TSPAN18: variants seen among roughly 807,000 people sequenced by gnomAD.
TSPAN18 encodes the protein tetraspanin-18.
In TSPAN18, 14 loss-of-function variants were observed where a neutral mutation model predicts 27.3. That is an observed-to-expected ratio of 0.51 (90% CI 0.34 to 0.80). The LOEUF (loss-of-function observed/expected upper bound fraction) is 0.80, where lower values mean the gene tolerates loss of function less well. Among genes scored for constraint, TSPAN18 ranks in the 30% least tolerant of loss-of-function variants. The probability of loss-of-function intolerance (pLI) is 0.01; values close to 1 mark genes in which losing one functional copy is unlikely to be tolerated. For missense variants in TSPAN18, 268 were observed against 323.9 expected, an observed-to-expected ratio of 0.83 and a Z score of 1.32; for synonymous variants, 143 against 136.5, an observed-to-expected ratio of 1.05 and a Z score of -0.33.
intron 2 of TSPAN18, among the ~76,000 whole-genome samples, chr11:44,805,293 G>A (rs927423087): frequency 6.6e-6 from 1 of 152,254 alleles, no homozygotes; most frequent in African/African-American, 2.4e-5. Flanking sequence ...CAGGGAGAAC[G>A]TACAGAGGGA....
At chr11:44,828,285 C>T (rs1857085482) in intron 2 of TSPAN18, among the ~76,000 whole-genome samples, 1 of 152,098 alleles carries the variant, frequency 6.6e-6, no homozygotes, top group South Asian at 2.1e-4. Context: ...CGGTTCAGTT[C>T]TCTTATTGAC....
At position 44,876,909 on chromosome 11, in the gene TSPAN18, CCAGA is replaced by C. The variant is rs1858349320; in HGVS notation, c.-11+16452_-11+16455del. 5.3e-5 allele frequency among the ~76,000 whole-genome samples: 8 copies of C among 152,254 alleles called. 1 individual carries two copies. In the South Asian group the frequency reaches 1.4e-3, roughly 28 times the overall value. ...TGGAAGCAGAGCCAGGCCACAAGTC[CCAGA>C]CAGACAGACAGGGTTTCACGGAGCT... is the stretch of plus-strand genomic sequence containing the variant. On this transcript the variant is annotated intron_variant, in intron 3 of 9. Coordinates refer to ENST00000520358, the MANE Select transcript of TSPAN18 (RefSeq NM_130783.5).
chr11:44,747,833 T>G (rs973668319), intron 1 of TSPAN18, among the ~76,000 whole-genome samples: 2 of 152,132 alleles, frequency 1.3e-5, no homozygotes. Context: ...GCCCAAATAC[T>G]TTTCCTTCTA....
Position 44,831,338 on chromosome 11 carries a change from G to A in TSPAN18, c.-152-28990G>A, listed in dbSNP as rs1410551280. 4.6e-5 allele frequency among the ~76,000 whole-genome samples: 7 copies of A among 152,224 alleles called. No homozygotes were observed. In the South Asian group the frequency reaches 1.0e-3, roughly 23 times the overall value. ...ACCGATGAAGAGGTTATGTATGCTCGGAGCTACAGAGTCAGACAAAAGATG... is the reference window on the plus strand; with the variant it reads ...ACCGATGAAGAGGTTATGTATGCTCAGAGCTACAGAGTCAGACAAAAGATG... On this transcript the variant is annotated intron_variant, in intron 2 of 9. Coordinates refer to ENST00000520358, the MANE Select transcript of TSPAN18 (RefSeq NM_130783.5).
intron 2 of TSPAN18, among the ~76,000 whole-genome samples, chr11:44,789,773 C>T (rs1383043587): frequency 1.3e-5 from 2 of 152,166 alleles, no homozygotes; most frequent in African/African-American, 4.8e-5. Flanking sequence ...GTCAACAGGA[C>T]ACCACAAGCA....
At chr11:44,843,060 A>G (rs1321126119) in intron 2 of TSPAN18, among the ~76,000 whole-genome samples, 1 of 152,200 alleles carries the variant, frequency 6.6e-6, no homozygotes, top group Non-Finnish European at 1.5e-5. Context: ...CTTTAGCTCA[A>G]CATGATTTTA....
intron 2 of TSPAN18, among the ~76,000 whole-genome samples, 194 bp downstream of exon 2, chr11:44,764,706 G>T (rs1409171697): frequency 1.3e-5 from 2 of 152,180 alleles, no homozygotes; most frequent in African/African-American, 2.4e-5. Flanking sequence ...TTACTCATGG[G>T]TGAGGGCAAC....
At chr11:44,900,337 A>C (rs1437615907) in intron 3 of TSPAN18, among the ~76,000 whole-genome samples, 2 of 152,214 alleles carry the variant, frequency 1.3e-5, no homozygotes, top group African/African-American at 4.8e-5. Context: ...ACAGGTCTGC[A>C]CTTTGGAGGA....
At chr11:44,753,846 G>A (rs4755887) in intron 1 of TSPAN18, among the ~76,000 whole-genome samples, 20,797 of 152,168 alleles carry the variant, frequency 0.14, 2,725 homozygotes, top group East Asian at 0.7. Context: ...CATGCAGGGT[G>A]ACAGCCTATC....
Position 44,903,414 on chromosome 11 carries a change from G to A in TSPAN18, c.-10-2993G>A, listed in dbSNP as rs1316613283. On this transcript the variant is annotated intron_variant, in intron 3 of 9. Transcript: ENST00000520358. ...GAAAGTCAGGGCAGGAATAACAAGA[G>A]GTGGCGATGGTGAGTCTTGGAGGTC... The A allele has an allele frequency of 6.6e-6, 3 of 456,402 alleles. 1 individual carries two copies. In the East Asian group the frequency reaches 2.1e-4, roughly 32 times the overall value. 28.3% of individuals were successfully genotyped at this position (456,402 alleles called of 1,614,324 possible). A position where few individuals can be genotyped will look rare whatever the true frequency, so the allele number is the denominator to read the frequency against.
chr11:44,742,496 A>G (rs980918116), intron 1 of TSPAN18, among the ~76,000 whole-genome samples: 4 of 152,018 alleles, frequency 2.6e-5, no homozygotes, highest in African/African-American at 9.7e-5. Flanking sequence ...AGGTAGTGGC[A>G]TAGTCATCCA....
intron 1 of TSPAN18, among the ~76,000 whole-genome samples, chr11:44,727,952 G>T (rs1361440405): frequency 6.6e-6 from 1 of 152,190 alleles, no homozygotes; most frequent in Non-Finnish European, 1.5e-5. Context: ...GACGGTGCTC[G>T]GCTCGGGTGG....
chr11:44,921,899 C>G (rs1860150923), intron 8 of TSPAN18, among the ~76,000 whole-genome samples: 1 of 152,210 alleles, frequency 6.6e-6, no homozygotes. Flanking sequence ...CTGGGCATGT[C>G]TTCAAAATCA....
chr11:44,908,815 GAA>G (rs767467712), intron 4 of TSPAN18, among the ~76,000 whole-genome samples: 1 of 115,184 alleles, frequency 8.7e-6, no homozygotes, highest in African/African-American at 3.5e-5. Flanking sequence ...AAGAAAGAAA[GAA>G]AGAAAGAAAG....
intron 2 of TSPAN18, among the ~76,000 whole-genome samples, chr11:44,852,977 T>A (rs919471365): frequency 1.3e-5 from 2 of 152,218 alleles, no homozygotes; most frequent in Non-Finnish European, 2.9e-5. Context: ...ATGTGATCAA[T>A]TGCTCACTGC....
At chr11:44,780,758 G>A (rs1184138174) in intron 2 of TSPAN18, among the ~76,000 whole-genome samples, 1 of 152,196 alleles carries the variant, frequency 6.6e-6, no homozygotes, top group African/African-American at 2.4e-5. Flanking sequence ...TGTAAAATAG[G>A]GATCATGGTT....
In TSPAN18 at chr11:44,747,953, C is replaced by T. The variant is rs554336593; in HGVS notation, c.-239-16473C>T. ...CTCTCATCCCCCCAGTTCCCTCCCTCACCTGCAGCAGAGCTGCAGGGTCAG... is the reference window on the plus strand; with the variant it reads ...CTCTCATCCCCCCAGTTCCCTCCCTTACCTGCAGCAGAGCTGCAGGGTCAG... On this transcript the variant is annotated intron_variant, in intron 1 of 9. Transcript: ENST00000520358. Among the ~76,000 whole-genome samples, 314 of 152,372 alleles carry T rather than the reference C, an allele frequency of 2.1e-3. 1 individual carries two copies. The highest frequency in any genetic ancestry group is 6.6e-3 in the African/African-American group (273 of 41,588).
intron 2 of TSPAN18, among the ~76,000 whole-genome samples, chr11:44,813,136 G>A (rs835842): frequency 0.41 from 61,732 of 152,090 alleles, 13,399 homozygotes; most frequent in Non-Finnish European, 0.48. Context: ...TGGCCTCAGC[G>A]GCCTGGCGCT....
At position 44,816,275 on chromosome 11, in the gene TSPAN18, AC is replaced by A. The variant is rs372952481; in HGVS notation, c.-152-44051del. On this transcript the variant is annotated intron_variant, in intron 2 of 9. Transcript: ENST00000520358. ...TTAGTGATGTCTGCCATGGGTGAGA[AC>A]CAGGAGGCAGTTGCATGTGTGCCAC... Among the ~76,000 whole-genome samples, 250 of 152,314 alleles carry A rather than the reference AC, an allele frequency of 1.6e-3. 7 individuals carry two copies. The East Asian group carries it at 0.033, about 20-fold the overall frequency.
Sources: allele counts gnomAD v4.1 joint callset (sites outside exome capture counted in the v4.1 genomes callset), GRCh38; gene constraint gnomAD v4.1.1; transcripts MANE v1.5; gene names NCBI Gene and HGNC (gene_info 2026-07-23, HGNC 2026-07-21).